The following CDH13 variants were observed in gnomAD, a reference collection of about 807,000 sequenced individuals.
CDH13 encodes the protein cadherin-13.
Under a neutral mutation model 63.8 loss-of-function variants are expected in CDH13, and 24 were observed. The ratio of observed to expected loss-of-function variants is 0.38; its 90% CI spans 0.27 to 0.53. The LOEUF is 0.53. Among genes scored for constraint, CDH13 ranks in the 20% least tolerant of loss-of-function variants. CDH13 has a pLI of 0.85. For missense variants in CDH13, 1,049 were observed against 903.1 expected, an observed-to-expected ratio of 1.16 and a Z score of -2.07; for synonymous variants, 503 against 355.3, an observed-to-expected ratio of 1.42 and a Z score of -4.67.
chr16:82,632,137 T>C (rs1390611687), intron 1 of CDH13, among the ~76,000 whole-genome samples: 1 of 152,188 alleles, frequency 6.6e-6, no homozygotes, highest in African/African-American at 2.4e-5. Context: ...ACTACTGCCC[T>C]CTTTAGGCAG....
At chr16:83,687,430 C>T (rs1409015084) in intron 10 of CDH13, among the ~76,000 whole-genome samples, 2 of 152,096 alleles carry the variant, frequency 1.3e-5, no homozygotes, top group Admixed American at 6.5e-5. Context: ...TTCACATGTC[C>T]AGAGTAGCTG....
intron 1 of CDH13, among the ~76,000 whole-genome samples, chr16:82,739,647 A>T (rs897079456): frequency 1.2e-4 from 19 of 152,354 alleles, no homozygotes; most frequent in Non-Finnish European, 1.2e-4. Context: ...TTAATTATTT[A>T]AAATAGTTTA....
intron 5 of CDH13, among the ~76,000 whole-genome samples, chr16:83,337,354 C>A (rs936123092): frequency 6.6e-6 from 1 of 152,068 alleles, no homozygotes; most frequent in African/African-American, 2.4e-5. Flanking sequence ...CCTTCTGGCT[C>A]CTGTGGTTTT....
At chr16:82,862,829 T>A (rs2039995301) in intron 2 of CDH13, among the ~76,000 whole-genome samples, 1 of 152,184 alleles carries the variant, frequency 6.6e-6, no homozygotes, top group Non-Finnish European at 1.5e-5. Flanking sequence ...TGGGTAACTC[T>A]CCTCCCAGTG....
intron 2 of CDH13, among the ~76,000 whole-genome samples, chr16:82,937,308 G>A (rs1403308833): frequency 6.6e-6 from 1 of 151,946 alleles, no homozygotes; most frequent in African/African-American, 2.4e-5. Flanking sequence ...TCCCTTTGTT[G>A]CTATTTTACT....
intron 7 of CDH13, 32 bp downstream of exon 7, chr16:83,486,687 C>G: frequency 1.3e-6 from 2 of 1,599,954 alleles, no homozygotes; most frequent in Non-Finnish European, 1.7e-6. Flanking sequence ...TTCTTTTTCA[C>G]GAGAATAGAA....
intron 5 of CDH13, among the ~76,000 whole-genome samples, chr16:83,276,021 A>G (rs1188680830): frequency 6.6e-6 from 1 of 152,172 alleles, no homozygotes; most frequent in Non-Finnish European, 1.5e-5. Context: ...AAAATGTACA[A>G]GGAAAGGAGT....
chr16:83,677,565 T>G (rs909224757), intron 9 of CDH13, among the ~76,000 whole-genome samples: 7 of 152,170 alleles, frequency 4.6e-5, no homozygotes, highest in African/African-American at 1.7e-4. Flanking sequence ...TTCAAATCCT[T>G]TTCCCTACAT....
At chr16:83,367,606 C>T (rs879378613) in intron 6 of CDH13, among the ~76,000 whole-genome samples, 1 of 152,188 alleles carries the variant, frequency 6.6e-6, no homozygotes, top group African/African-American at 2.4e-5. Context: ...TTTTACATTT[C>T]CATCAGCAGT....
rs11865548 is a variant in CDH13, at chr16:82,978,111, G to T, written c.158-53899G>T. Among the ~76,000 whole-genome samples the T allele has an allele frequency of 7.5e-3, 1,143 of 152,228 alleles. 11 individuals are homozygous for T. Among genetic ancestry groups the T allele is most frequent in the African/African-American group, 0.025 (1,023 of 41,528 alleles). On this transcript the variant is annotated intron_variant, in intron 2 of 13. Coordinates refer to ENST00000567109, the MANE Select transcript of CDH13 (RefSeq NM_001257.5). Reference sequence around the variant, plus strand: ...TTGAACTGGAGAGAGATGATTTAGGGTATCTGGCAGAATAAATCTCCAAGC... The same window carrying T: ...TTGAACTGGAGAGAGATGATTTAGGTTATCTGGCAGAATAAATCTCCAAGC...
chr16:83,645,153 A>G (rs1022320345), intron 8 of CDH13, among the ~76,000 whole-genome samples: 54 of 152,222 alleles, frequency 3.5e-4, no homozygotes, highest in Admixed American at 2.6e-4. Context: ...ACCTAAGTGT[A>G]CATCAACGAT....
intron 3 of CDH13, among the ~76,000 whole-genome samples, chr16:83,075,058 T>A (rs1199635011): frequency 6.6e-6 from 1 of 152,168 alleles, no homozygotes; most frequent in Non-Finnish European, 1.5e-5. Flanking sequence ...TAAACATCCT[T>A]GGGTCCAGCA....
intron 1 of CDH13, among the ~76,000 whole-genome samples, chr16:82,732,138 C>T (rs1415845626): frequency 1.3e-5 from 2 of 152,164 alleles, no homozygotes; most frequent in African/African-American, 4.8e-5. Flanking sequence ...TATGTGCTGG[C>T]TTATTACTTC....
chr16:83,139,023 A>G (rs1316394450), intron 4 of CDH13, among the ~76,000 whole-genome samples: 1 of 151,742 alleles, frequency 6.6e-6, no homozygotes, highest in Non-Finnish European at 1.5e-5. Flanking sequence ...CTTTGTGGGA[A>G]TGTAGACTGT....
chr16:83,536,490 A>C (rs915182650), intron 7 of CDH13, among the ~76,000 whole-genome samples: 1 of 152,158 alleles, frequency 6.6e-6, no homozygotes, highest in African/African-American at 2.4e-5. Flanking sequence ...TCCTGTGGCC[A>C]GTGGGAATGC....
At chr16:83,041,285 C>T (rs886109164) in intron 3 of CDH13, among the ~76,000 whole-genome samples, 1 of 151,970 alleles carries the variant, frequency 6.6e-6, no homozygotes, top group East Asian at 1.9e-4. Flanking sequence ...GCTGAAAAGG[C>T]TAAATTTAAG....
At chr16:83,507,106 C>T (rs926533697) in intron 7 of CDH13, among the ~76,000 whole-genome samples, 2 of 152,216 alleles carry the variant, frequency 1.3e-5, no homozygotes. Context: ...TGTTACCCCC[C>T]AAACCTGGTG....
intron 1 of CDH13, among the ~76,000 whole-genome samples, chr16:82,847,475 A>C (rs759606417): frequency 1.3e-5 from 2 of 151,914 alleles, no homozygotes; most frequent in Non-Finnish European, 2.9e-5. Context: ...TTCATCTCAT[A>C]ACATATCACT....
At chr16:83,300,380 C>T (rs1033406687) in intron 5 of CDH13, among the ~76,000 whole-genome samples, 6 of 152,208 alleles carry the variant, frequency 3.9e-5, no homozygotes, top group African/African-American at 1.2e-4. Context: ...TAGAGCTTTG[C>T]AGCTTACAAC....
Sources: gnomAD v4.1 joint callset for allele counts (sites outside exome capture counted in the v4.1 genomes callset) on GRCh38, gnomAD v4.1.1 for gene constraint, MANE v1.5 for transcripts, NCBI Gene and HGNC (gene_info 2026-07-23, HGNC 2026-07-21) for gene names.